CDK14: variants seen among roughly 807,000 people sequenced by gnomAD.
The protein encoded by CDK14 is cyclin dependent kinase 14.
Under a neutral mutation model 60.7 loss-of-function variants are expected in CDK14, and 34 were observed. The ratio of observed to expected loss-of-function variants is 0.56; its 90% CI spans 0.43 to 0.75. CDK14 has a LOEUF of 0.75. Ranked by LOEUF, CDK14 falls within the 30% of genes least tolerant of loss-of-function variation. The probability of loss-of-function intolerance (pLI) is 0.00; values close to 1 mark genes in which losing one functional copy is unlikely to be tolerated. For synonymous variants in CDK14, 197 were observed against 203.7 expected, an observed-to-expected ratio of 0.97 and a Z score of 0.28; for missense variants, 482 against 564.1, an observed-to-expected ratio of 0.85 and a Z score of 1.47.
At chr7:91,204,370 T>C (rs1486775747) in intron 14 of CDK14, among the ~76,000 whole-genome samples, 3 of 152,144 alleles carry the variant, frequency 2.0e-5, no homozygotes, top group Middle Eastern at 3.4e-3. Flanking sequence ...GATTTCACAA[T>C]GGATTTTTAG....
At chr7:91,192,185 A>C (rs1802383224) in intron 14 of CDK14, among the ~76,000 whole-genome samples, 2 of 152,192 alleles carry the variant, frequency 1.3e-5, no homozygotes, top group Non-Finnish European at 2.9e-5. Context: ...GTGAGCAAGA[A>C]TCATCAGAAT....
Position 90,992,562 on chromosome 7 carries a change from T to A in CDK14, c.1041+8321T>A, listed in dbSNP as rs547514807. ...ATATAATGTGTTTCTTAAGTGCTAT[T>A]CTGAGAGATGCCATTTTACATACCA... is the stretch of plus-strand genomic sequence containing the variant. On this transcript the variant is annotated intron_variant, in intron 10 of 14. Coordinates refer to ENST00000380050, the MANE Select transcript of CDK14 (RefSeq NM_001287135.2). Among the ~76,000 whole-genome samples the A allele has an allele frequency of 2.0e-5, 3 of 152,326 alleles. No homozygotes were observed. In the East Asian group the frequency reaches 5.8e-4, roughly 29 times the overall value.
At chr7:90,657,416 T>C (rs1395561120) in intron 2 of CDK14, among the ~76,000 whole-genome samples, 3 of 152,236 alleles carry the variant, frequency 2.0e-5, no homozygotes, top group South Asian at 4.1e-4. Context: ...TTAAAGTAGA[T>C]GTAAAAATCT....
At chr7:91,172,910 A>C (rs1801573054) in intron 14 of CDK14, among the ~76,000 whole-genome samples, 1 of 152,136 alleles carries the variant, frequency 6.6e-6, no homozygotes, top group Admixed American at 6.5e-5. Flanking sequence ...AATTCCTGTT[A>C]GGTATGTTTC....
At chr7:90,805,964 A>G (rs1312500781) in intron 5 of CDK14, among the ~76,000 whole-genome samples, 3 of 152,238 alleles carry the variant, frequency 2.0e-5, no homozygotes, top group Non-Finnish European at 4.4e-5. Context: ...TTCACAGCAT[A>G]GAATGGAAAG....
intron 2 of CDK14, among the ~76,000 whole-genome samples, chr7:90,717,243 C>A (rs1802281528): frequency 6.6e-6 from 1 of 152,046 alleles, no homozygotes; most frequent in African/African-American, 2.4e-5. Flanking sequence ...ATAAACAAAA[C>A]TGTATCTCAT....
intron 12 of CDK14, among the ~76,000 whole-genome samples, chr7:91,098,843 C>G (rs1235496909): frequency 6.6e-6 from 1 of 152,050 alleles, no homozygotes; most frequent in Non-Finnish European, 1.5e-5. Flanking sequence ...AGGTGATTTC[C>G]TTTTACTCCA....
Position 91,076,242 on chromosome 7 carries a change from C to CA in CDK14, c.1106-3156dup, listed in dbSNP as rs564729987. ...AACTATACTACAGTGCTACAGTAAC[C>CA]AAAAAAAAAAAAAAAAAAAAAAAAA... On this transcript the variant is annotated intron_variant, in intron 11 of 14. Transcript: ENST00000380050. 4.0e-3 allele frequency among the ~76,000 whole-genome samples: 116 copies of CA among 28,792 alleles called. 8 individuals are homozygous for CA. The highest frequency in any genetic ancestry group is 4.9e-3 in the East Asian group (3 of 610). 18.9% of individuals were successfully genotyped at this position (28,792 alleles called of 152,430 possible). A position where few individuals can be genotyped will look rare whatever the true frequency, so the allele number is the denominator to read the frequency against.
intron 6 of CDK14, among the ~76,000 whole-genome samples, chr7:90,865,595 A>G (rs1791151900): frequency 6.6e-6 from 1 of 152,150 alleles, no homozygotes; most frequent in South Asian, 2.1e-4. Context: ...TAGAGCAGAT[A>G]TTAGTGAGCG....
intron 2 of CDK14, among the ~76,000 whole-genome samples, chr7:90,613,702 A>T (rs1179359842): frequency 6.6e-6 from 1 of 151,970 alleles, no homozygotes; most frequent in African/African-American, 2.4e-5. Flanking sequence ...TAAAAAAAAA[A>T]TAAAAAAAGA....
At chr7:91,093,183 A>G (rs1004151453) in intron 12 of CDK14, among the ~76,000 whole-genome samples, 5 of 152,148 alleles carry the variant, frequency 3.3e-5, no homozygotes. Flanking sequence ...GTGTCACTCT[A>G]TTTGGAAGTA....
chr7:91,044,842 C>T (rs997730544), intron 10 of CDK14, among the ~76,000 whole-genome samples: 8 of 152,188 alleles, frequency 5.3e-5, no homozygotes, highest in African/African-American at 1.9e-4. Flanking sequence ...AGTGGGCAGT[C>T]TGAATTTTCC....
At position 91,204,989 on chromosome 7, in the gene CDK14, A is replaced by C. The variant is rs186188997; in HGVS notation, c.*29-2176A>C. On this transcript the variant is annotated intron_variant, in intron 14 of 14. Coordinates refer to ENST00000380050, the MANE Select transcript of CDK14 (RefSeq NM_001287135.2). ...CCCAACATCATCGATCATTAGGGAA[A>C]TGCAAGTGCAAATCAGTTCATACCC... is the stretch of plus-strand genomic sequence containing the variant. 3.3e-5 allele frequency among the ~76,000 whole-genome samples: 5 copies of C among 152,236 alleles called. No homozygotes were observed. In the East Asian group the frequency reaches 9.6e-4, roughly 29 times the overall value.
intron 10 of CDK14, among the ~76,000 whole-genome samples, chr7:91,002,031 C>T (rs1795850698): frequency 6.6e-6 from 1 of 152,092 alleles, no homozygotes; most frequent in Non-Finnish European, 1.5e-5. Flanking sequence ...GTTGGAAGAC[C>T]CAACCTGTAG....
intron 2 of CDK14, among the ~76,000 whole-genome samples, chr7:90,664,401 A>G (rs2116512201): frequency 6.6e-6 from 1 of 152,178 alleles, no homozygotes; most frequent in East Asian, 1.9e-4. Context: ...GGGATCTAGA[A>G]CTAGAAATAC....
At chr7:90,978,129 A>C (rs946366911) in intron 9 of CDK14, among the ~76,000 whole-genome samples, 1 of 152,190 alleles carries the variant, frequency 6.6e-6, no homozygotes, top group Non-Finnish European at 1.5e-5. Flanking sequence ...GGGAACAACA[A>C]TCCGTGCAGA....
chr7:90,812,188 T>C (rs1460727642), intron 5 of CDK14, among the ~76,000 whole-genome samples: 2 of 152,190 alleles, frequency 1.3e-5, no homozygotes, highest in Non-Finnish European at 2.9e-5. Context: ...TGTGGCACTA[T>C]TAGCAATAGC....
At chr7:90,915,630 A>T (rs907565733) in intron 7 of CDK14, among the ~76,000 whole-genome samples, 1 of 152,218 alleles carries the variant, frequency 6.6e-6, no homozygotes, top group Admixed American at 6.5e-5. Flanking sequence ...CTCTAGAAAT[A>T]CTTTGCCTAC....
chr7:90,621,663 T>TCCTGCCTTCCTG lies in CDK14; in HGVS notation c.123+17417_123+17418insGCCTTCCTGCCT, dbSNP rs1291538401. On this transcript the variant is annotated intron_variant, in intron 2 of 14. Transcript: ENST00000380050. The stretch of plus-strand genomic sequence containing the variant: ...TTCCTTCCTTCCTTCCTTCCTTCCT[T>TCCTGCCTTCCTG]CCTTCCTGCCTTCCTGCCTTCCTGC... Among the ~76,000 whole-genome samples the TCCTGCCTTCCTG allele has an allele frequency of 7.0e-3, 788 of 112,540 alleles. 1 individual carries two copies. Among genetic ancestry groups the TCCTGCCTTCCTG allele is most frequent in the South Asian group, 0.013 (40 of 3,060 alleles). The allele number at this position is 112,540 out of a possible 152,430, so 73.8% of individuals were successfully genotyped here.
Sources: allele counts gnomAD v4.1 joint callset (sites outside exome capture counted in the v4.1 genomes callset), GRCh38; gene constraint gnomAD v4.1.1; transcripts MANE v1.5; gene names NCBI Gene and HGNC (gene_info 2026-07-23, HGNC 2026-07-21).